Variants in TNNI3 observed in about 807,000 individuals in gnomAD.
TNNI3 encodes troponin I, cardiac muscle.
TNNI3 carries 23 observed loss-of-function variants against 31.5 expected under a neutral mutation model. That is an observed-to-expected ratio of 0.73 (90% CI 0.52 to 1.03). TNNI3 has a LOEUF of 1.03. Among genes scored for constraint, TNNI3 ranks in the 50% least tolerant of loss-of-function variants. TNNI3 has a pLI of 0.00. For missense variants in TNNI3, 236 were observed against 282.9 expected, an observed-to-expected ratio of 0.83 and a Z score of 1.19; for synonymous variants, 120 against 111.7, an observed-to-expected ratio of 1.07 and a Z score of -0.47.
chr19:55,152,154 T>C lies in TNNI3; in HGVS notation c.550-237A>G, dbSNP rs1231688200. The stretch of plus-strand genomic sequence containing the variant: ...CTTCCTGTCTTTCCCCAGCACTTCC[T>C]GTCTCCCTCATGTACTTTCTGTCTT... On this transcript the variant is annotated intron_variant, in intron 7 of 7. Coordinates refer to ENST00000344887, the MANE Select transcript of TNNI3 (RefSeq NM_000363.5). This position sits in a 1 kb window ranked among gnomAD's most constrained non-coding sequence, Gnocchi z 4.0. Among the ~76,000 whole-genome samples the C allele has an allele frequency of 6.7e-6, 1 of 148,668 alleles. No homozygotes were observed. Among genetic ancestry groups the C allele is most frequent in the African/African-American group, 2.5e-5 (1 of 39,688 alleles).
Position 55,157,421 on chromosome 19 carries a change from T to C in TNNI3, c.12-113A>G. 1 of 1,596,150 alleles carries C rather than the reference T, an allele frequency of 6.3e-7. No individual in the cohort carries two copies. Among genetic ancestry groups the C allele is most frequent in the South Asian group, 1.1e-5 (1 of 90,340 alleles). Reference sequence around the variant, plus strand: ...GTCGGGGGACCGCGCTTCCCCTTCCTTGGGTTCCAGGAGTCTGACTCGCAA... The same window carrying C: ...GTCGGGGGACCGCGCTTCCCCTTCCCTGGGTTCCAGGAGTCTGACTCGCAA... On this transcript the variant is annotated intron_variant, in intron 1 of 7. Transcript: ENST00000344887. The surrounding 1 kb of genome is among the most constrained non-coding windows in gnomAD (Gnocchi z 6.3).
rs1171407156 is a variant in TNNI3 at position 55,157,140 on chromosome 19, T to G, written c.25-7A>C. 1 of 1,598,286 alleles carries G rather than the reference T, an allele frequency of 6.3e-7. No homozygotes were observed. Among genetic ancestry groups the G allele is most frequent in the Admixed American group, 1.8e-5 (1 of 56,154 alleles). On this transcript the variant is annotated splice_polypyrimidine_tract_variant and splice_region_variant and intron_variant, in intron 2 of 7. Coordinates refer to ENST00000344887, the MANE Select transcript of TNNI3 (RefSeq NM_000363.5). This position sits in a 1 kb window ranked among gnomAD's most constrained non-coding sequence, Gnocchi z 6.3. ...CAGGGCGAGGTTCCCTAGCCTGGGTTAGGAGGAGTGGGGACCCCATCACCA... is the reference window on the plus strand; with the variant it reads ...CAGGGCGAGGTTCCCTAGCCTGGGTGAGGAGGAGTGGGGACCCCATCACCA...
rs749828276 is a variant in TNNI3 at position 55,156,390 on chromosome 19, C to A, written c.151-58G>T. 6.4e-7 allele frequency: 1 copy of A among 1,571,718 alleles called. No homozygotes were observed. On this transcript the variant is annotated intron_variant, in intron 4 of 7. Coordinates refer to ENST00000344887, the MANE Select transcript of TNNI3 (RefSeq NM_000363.5). This position sits in a 1 kb window ranked among gnomAD's most constrained non-coding sequence, Gnocchi z 4.6. ...CCGGGGCTTCAGGATAAAGACCAGG[C>A]GTGGGGAACCGCCTCTGCCCTTCTA... is the stretch of plus-strand genomic sequence containing the variant.
rs1313139549 is a variant in TNNI3 at position 55,151,810 on chromosome 19, G to A, written c.*24C>T. The A allele has an allele frequency of 1.9e-6, 3 of 1,610,260 alleles. No homozygotes were observed. In the Admixed American group the frequency reaches 5.0e-5, roughly 27 times the overall value. ...CTTTATTCCTCAGGGCCCTCCTCAG[G>A]GCAGGGGCAGTAGGCAGGAAGGCTC... is the stretch of plus-strand genomic sequence containing the variant. On this transcript the variant is annotated 3_prime_UTR_variant, in exon 8 of 8. Transcript: ENST00000344887.
At position 55,156,891 on chromosome 19, in the gene TNNI3, C is replaced by G. The variant is rs999489461; in HGVS notation, c.108+159G>C. 5.3e-6 allele frequency: 5 copies of G among 941,288 alleles called. No homozygotes were observed. Among genetic ancestry groups the G allele is most frequent in the African/African-American group, 4.9e-5 (3 of 61,484 alleles). 58.3% of individuals were successfully genotyped at this position (941,288 alleles called of 1,614,324 possible). On this transcript the variant is annotated intron_variant, in intron 3 of 7. Transcript: ENST00000344887. The surrounding 1 kb of genome is among the most constrained non-coding windows in gnomAD (Gnocchi z 4.6). ...AGGGCAACGGAGTTCCGCCCGCAGG[C>G]TGCTGTCACCAATCCGAGCATGACC...
Position 55,157,562 on chromosome 19 carries a change from C to T in TNNI3, c.11+17G>A, listed in dbSNP as rs770058925. 2 of 1,613,994 alleles carry T rather than the reference C, an allele frequency of 1.2e-6. No individual in the cohort carries two copies. Among genetic ancestry groups the T allele is most frequent in the East Asian group, 2.2e-5 (1 of 44,870 alleles). ...GGAGGTCGCCCCCAACTCCCACTGC[C>T]TTGGGGCATCACTCACCCATCCGCC... On this transcript the variant is annotated intron_variant, in intron 1 of 7. Coordinates refer to ENST00000344887, the MANE Select transcript of TNNI3 (RefSeq NM_000363.5). This position sits in a 1 kb window ranked among gnomAD's most constrained non-coding sequence, Gnocchi z 6.3.
chr19:55,156,649 C>G lies in TNNI3; in HGVS notation c.109-5G>C. On this transcript the variant is annotated splice_polypyrimidine_tract_variant and splice_region_variant and intron_variant, in intron 3 of 7. Transcript: ENST00000344887. The surrounding 1 kb of genome is among the most constrained non-coding windows in gnomAD (Gnocchi z 4.6). ...GGCGGAGATCTTAGATTTTTTCTGCCAGGGTGAGATGGAGCAAGGAAGGAT... is the reference window on the plus strand; with the variant it reads ...GGCGGAGATCTTAGATTTTTTCTGCGAGGGTGAGATGGAGCAAGGAAGGAT... 6.4e-7 allele frequency: 1 copy of G among 1,563,892 alleles called. No individual in the cohort carries two copies.
chr19:55,156,739 G>C lies in TNNI3; in HGVS notation c.109-95C>G. ...AAGACACCCCCAGCAAACCCAGCCG[G>C]TCCAGATTTGGGCCCACGTCCAACT... On this transcript the variant is annotated intron_variant, in intron 3 of 7. Coordinates refer to ENST00000344887, the MANE Select transcript of TNNI3 (RefSeq NM_000363.5). The surrounding 1 kb of genome is among the most constrained non-coding windows in gnomAD (Gnocchi z 4.6). 1 of 1,403,522 alleles carries C rather than the reference G, an allele frequency of 7.1e-7. No homozygotes were observed. The highest frequency in any genetic ancestry group is 9.9e-7 in the Non-Finnish European group (1 of 1,012,862). The allele number at this position is 1,403,522 out of a possible 1,614,324, so 86.9% of individuals were successfully genotyped here.
chr19:55,153,983 A>G, intron 7 of TNNI3, 47 bp downstream of exon 7: 3 of 1,606,134 alleles, frequency 1.9e-6, no homozygotes, highest in Non-Finnish European at 2.5e-6. Flanking sequence ...TGGCACCCAC[A>G]GCCCTTCCCC....
chr19:55,152,308 C>T lies in TNNI3; in HGVS notation c.550-391G>A, dbSNP rs1355377686. On this transcript the variant is annotated intron_variant, in intron 7 of 7. Transcript: ENST00000344887. The surrounding 1 kb of genome is among the most constrained non-coding windows in gnomAD (Gnocchi z 4.0). ...TTATGCCCTTCCTGTCTCCTTCCTT[C>T]TCTTCTTATTATAGTAGTCCCTCCT... Among the ~76,000 whole-genome samples, 1 of 152,188 alleles carries T rather than the reference C, an allele frequency of 6.6e-6. No homozygotes were observed. The highest frequency in any genetic ancestry group is 1.5e-5 in the Non-Finnish European group (1 of 68,048).
At position 55,152,207 on chromosome 19, in the gene TNNI3, G is replaced by C. The variant is rs2085699416; in HGVS notation, c.550-290C>G. The stretch of plus-strand genomic sequence containing the variant: ...CCCATCCACTTCCTGTCTCCCTCAT[G>C]CACTTCCTGTCTTTCCCCTCCACTT... On this transcript the variant is annotated intron_variant, in intron 7 of 7. Transcript: ENST00000344887. The surrounding 1 kb of genome is among the most constrained non-coding windows in gnomAD (Gnocchi z 4.0). Among the ~76,000 whole-genome samples, 1 of 150,630 alleles carries C rather than the reference G, an allele frequency of 6.6e-6. No homozygotes were observed. The highest frequency in any genetic ancestry group is 2.1e-4 in the South Asian group (1 of 4,782).
Position 55,152,510 on chromosome 19 carries a change from T to C in TNNI3, c.550-593A>G, listed in dbSNP as rs1424128860. On this transcript the variant is annotated intron_variant, in intron 7 of 7. Transcript: ENST00000344887. This position sits in a 1 kb window ranked among gnomAD's most constrained non-coding sequence, Gnocchi z 4.0. ...ATCCACCTCACCTCATCTCAGCACA[T>C]AGGCACTGTCATTTTACATCACAAG... 1.3e-5 allele frequency among the ~76,000 whole-genome samples: 2 copies of C among 152,214 alleles called. No individual in the cohort carries two copies. The highest frequency in any genetic ancestry group is 2.9e-5 in the Non-Finnish European group (2 of 68,042).
In TNNI3 at chr19:55,157,581, A is replaced by G. The variant is rs2085744143; in HGVS notation, c.9T>C (p.Asp3=). Residue 3 remains aspartate (D), a splice_region_variant and synonymous_variant, in exon 1 of 8, where the codon GAT becomes GAC. Coordinates refer to ENST00000344887, the MANE Select transcript of TNNI3 (RefSeq NM_000363.5). The surrounding 1 kb of genome is among the most constrained non-coding windows in gnomAD (Gnocchi z 6.3). ...CACTGCCTTGGGGCATCACTCACCCATCCGCCATGCTGAGACTCAGGCCGG... is the reference window on the plus strand; with the variant it reads ...CACTGCCTTGGGGCATCACTCACCCGTCCGCCATGCTGAGACTCAGGCCGG... The part of the protein sequence containing the change: MA[D]GSSDAAREPR... 1.2e-6 allele frequency: 2 copies of G among 1,613,864 alleles called. No individual in the cohort carries two copies. The highest frequency in any genetic ancestry group is 1.7e-6 in the Non-Finnish European group (2 of 1,179,902).
chr19:55,156,411 T>C lies in TNNI3; in HGVS notation c.151-79A>G. The C allele has an allele frequency of 1.3e-6, 2 of 1,544,174 alleles. No individual in the cohort carries two copies. The highest frequency in any genetic ancestry group is 1.7e-6 in the Non-Finnish European group (2 of 1,143,404). ...CAGGCGTGGGGAACCGCCTCTGCCC[T>C]TCTAAACCCTCCAGTTTGGTCTCCA... On this transcript the variant is annotated intron_variant, in intron 4 of 7. Coordinates refer to ENST00000344887, the MANE Select transcript of TNNI3 (RefSeq NM_000363.5). This position sits in a 1 kb window ranked among gnomAD's most constrained non-coding sequence, Gnocchi z 4.6.
At position 55,153,223 on chromosome 19, in the gene TNNI3, C is replaced by T. The variant is rs956498853; in HGVS notation, c.549+807G>A. On this transcript the variant is annotated intron_variant, in intron 7 of 7. Transcript: ENST00000344887. Reference sequence around the variant, plus strand: ...TTGAGATTACAGGCATGAGCCACCACGCCCAACCTTCTTTTGTTGTTATTT... The same window carrying T: ...TTGAGATTACAGGCATGAGCCACCATGCCCAACCTTCTTTTGTTGTTATTT... 7.9e-5 allele frequency among the ~76,000 whole-genome samples: 12 copies of T among 152,146 alleles called. No individual in the cohort carries two copies. The East Asian group carries it at 1.5e-3, about 20-fold the overall frequency.
Position 55,156,063 on chromosome 19 carries a change from G to A in TNNI3, c.282+138C>T, listed in dbSNP as rs548832905. On this transcript the variant is annotated intron_variant, in intron 5 of 7. Coordinates refer to ENST00000344887, the MANE Select transcript of TNNI3 (RefSeq NM_000363.5). The surrounding 1 kb of genome is among the most constrained non-coding windows in gnomAD (Gnocchi z 4.6). ...CAGACCTGCACACAAAGGGTGTTAG[G>A]GGCCAGGAGTCCCACGAACCATATA... 1 of 1,313,788 alleles carries A rather than the reference G, an allele frequency of 7.6e-7. No individual in the cohort carries two copies. Among genetic ancestry groups the A allele is most frequent in the African/African-American group, 1.5e-5 (1 of 68,834 alleles). The allele number at this position is 1,313,788 out of a possible 1,614,324, so 81.4% of individuals were successfully genotyped here. A position where few individuals can be genotyped will look rare whatever the true frequency, so the allele number is the denominator to read the frequency against.
chr19:55,157,619 G>T lies in TNNI3; in HGVS notation c.-30C>A, dbSNP rs757183182. The T allele has an allele frequency of 1.9e-6, 3 of 1,613,990 alleles. No individual in the cohort carries two copies. Among genetic ancestry groups the T allele is most frequent in the South Asian group, 1.1e-5 (1 of 91,068 alleles). ...AGACTCAGGCCGGGAATGGCAGGAG[G>T]CAGGGCGAGGACAGGGGCGTTTGGA... On this transcript the variant is annotated 5_prime_UTR_variant, in exon 1 of 8. Coordinates refer to ENST00000344887, the MANE Select transcript of TNNI3 (RefSeq NM_000363.5). The surrounding 1 kb of genome is among the most constrained non-coding windows in gnomAD (Gnocchi z 6.3).
rs1158043167 is a variant in TNNI3, at chr19:55,156,974, C to A, written c.108+76G>T. On this transcript the variant is annotated intron_variant, in intron 3 of 7. Transcript: ENST00000344887. The surrounding 1 kb of genome is among the most constrained non-coding windows in gnomAD (Gnocchi z 4.6). Reference sequence around the variant, plus strand: ...CGTAGTCCCCGCCCCCTTCGCAGCCCTGGCTCCTCCCCCCACTCCCAGGGT... The same window carrying A: ...CGTAGTCCCCGCCCCCTTCGCAGCCATGGCTCCTCCCCCCACTCCCAGGGT... The A allele has an allele frequency of 6.7e-7, 1 of 1,492,146 alleles. No homozygotes were observed. Among genetic ancestry groups the A allele is most frequent in the African/African-American group, 1.4e-5 (1 of 72,246 alleles). The allele number at this position is 1,492,146 out of a possible 1,614,324, so 92.4% of individuals were successfully genotyped here. A position where few individuals can be genotyped will look rare whatever the true frequency, so the allele number is the denominator to read the frequency against.
chr19:55,153,938 C>T (rs967584289), intron 7 of TNNI3, 92 bp downstream of exon 7: 8 of 1,481,708 alleles, frequency 5.4e-6, no homozygotes, highest in Non-Finnish European at 7.5e-6. Flanking sequence ...CTACCTCCAA[C>T]TCCAAGCACC....
Sources: allele counts gnomAD v4.1 joint callset (sites outside exome capture counted in the v4.1 genomes callset), GRCh38; gene constraint gnomAD v4.1.1; non-coding constraint Gnocchi (gnomAD v3.1); transcripts MANE v1.5; gene names NCBI Gene and HGNC (gene_info 2026-07-23, HGNC 2026-07-21).